Variants in SOX5 observed in about 807,000 individuals in gnomAD.
SOX5 encodes transcription factor SOX-5.
A neutral mutation model predicts 92.0 loss-of-function variants in SOX5; 9 were observed. The observed-to-expected ratio is 0.10, with a 90% confidence interval of 0.06 to 0.17. The LOEUF (loss-of-function observed/expected upper bound fraction) is 0.17, where lower values mean the gene tolerates loss of function less well. Ranked by LOEUF, SOX5 falls within the 10% of genes least tolerant of loss-of-function variation. The pLI is 1.00. For missense variants in SOX5, 642 were observed against 944.5 expected, an observed-to-expected ratio of 0.68 and a Z score of 4.20; for synonymous variants, 344 against 336.3, an observed-to-expected ratio of 1.02 and a Z score of -0.25.
chr12:24,493,505 G>C (rs183439304), intron 1 of SOX5, among the ~76,000 whole-genome samples: 1 of 152,254 alleles, frequency 6.6e-6, no homozygotes, highest in Non-Finnish European at 1.5e-5. Flanking sequence ...GAGAAAACTG[G>C]ATATCAGGTA....
At chr12:23,877,002 G>A (rs559993409) in intron 2 of SOX5, among the ~76,000 whole-genome samples, 3 of 152,194 alleles carry the variant, frequency 2.0e-5, no homozygotes, top group Non-Finnish European at 4.4e-5. Context: ...TGGGGGTCAG[G>A]GGCAAGGGGA....
chr12:23,605,425 TTAAA>T (rs35255823), intron 8 of SOX5, among the ~76,000 whole-genome samples: 6,530 of 149,128 alleles, frequency 0.044, 290 homozygotes, highest in Admixed American at 0.14. Context: ...AAAATAATTA[TTAAA>T]TAAATATATC....
At chr12:23,929,088 G>C (rs1312698069) in intron 1 of SOX5, among the ~76,000 whole-genome samples, 2 of 151,680 alleles carry the variant, frequency 1.3e-5, no homozygotes, top group Non-Finnish European at 2.9e-5. Flanking sequence ...AGCCATAGCA[G>C]TATTACAAAC....
intron 4 of SOX5, among the ~76,000 whole-genome samples, chr12:23,998,243 T>C (rs1275991173): frequency 6.6e-6 from 1 of 151,886 alleles, no homozygotes; most frequent in African/African-American, 2.4e-5. Flanking sequence ...AATACAAAGA[T>C]AAAATTACTG....
At chr12:24,098,310 G>C (rs1191284930) in intron 4 of SOX5, among the ~76,000 whole-genome samples, 1 of 152,072 alleles carries the variant, frequency 6.6e-6, no homozygotes, top group Non-Finnish European at 1.5e-5. Flanking sequence ...TCCTGCTCTT[G>C]GGGTTTCCAG....
At chr12:24,428,226 AC>A (rs886071218) in intron 1 of SOX5, among the ~76,000 whole-genome samples, 2 of 151,694 alleles carry the variant, frequency 1.3e-5, no homozygotes, top group East Asian at 3.9e-4. Flanking sequence ...AAAAAAAAAA[AC>A]CTGAGTTTAC....
chr12:23,692,437 A>AG (rs1593333436), intron 6 of SOX5, among the ~76,000 whole-genome samples: 3 of 67,740 alleles, frequency 4.4e-5, no homozygotes, highest in Non-Finnish European at 1.2e-4. Context: ...ACTACGCCTC[A>AG]GGAAAAAAAA....
intron 8 of SOX5, among the ~76,000 whole-genome samples, chr12:23,635,917 G>A (rs991631515): frequency 2.0e-5 from 3 of 152,018 alleles, no homozygotes; most frequent in African/African-American, 7.3e-5. Context: ...GGAAGAGGGA[G>A]GAAGAGAAGC....
At chr12:23,597,823 T>G (rs73273890) in intron 9 of SOX5, among the ~76,000 whole-genome samples, 51 of 152,338 alleles carry the variant, frequency 3.3e-4, no homozygotes, top group African/African-American at 1.2e-3. Flanking sequence ...GAATACAGAA[T>G]AATTTATTAA....
At chr12:24,361,488 T>C (rs571099914) in intron 2 of SOX5, among the ~76,000 whole-genome samples, 83 of 152,112 alleles carry the variant, frequency 5.5e-4, no homozygotes, top group Non-Finnish European at 1.0e-3. Flanking sequence ...TTAAATTATA[T>C]AATACAAGCA....
intron 14 of SOX5, among the ~76,000 whole-genome samples, chr12:23,536,175 C>T (rs1940391823): frequency 6.6e-6 from 1 of 152,204 alleles, no homozygotes; most frequent in Non-Finnish European, 1.5e-5. Context: ...ACCAGTTATA[C>T]TTCTAAGTTT....
intron 1 of SOX5, among the ~76,000 whole-genome samples, chr12:24,383,304 G>T (rs554464608): frequency 1.3e-5 from 2 of 152,136 alleles, no homozygotes; most frequent in African/African-American, 4.8e-5. Context: ...TTTATGTAAC[G>T]ATTTGTTTTT....
chr12:23,783,111 T>C (rs2095314259), intron 3 of SOX5, among the ~76,000 whole-genome samples: 1 of 152,160 alleles, frequency 6.6e-6, no homozygotes. Flanking sequence ...TTCACTTTCT[T>C]CAAGGCATAT....
chr12:23,608,115 GAA>G (rs772255622), intron 8 of SOX5, among the ~76,000 whole-genome samples: 1,331 of 44,068 alleles, frequency 0.03, 4 homozygotes, highest in South Asian at 0.055. Flanking sequence ...AAAGAAAAAA[GAA>G]AAAAAAAAAA....
intron 8 of SOX5, among the ~76,000 whole-genome samples, chr12:23,617,935 C>G (rs1215117779): frequency 6.6e-6 from 1 of 152,194 alleles, no homozygotes; most frequent in Non-Finnish European, 1.5e-5. Flanking sequence ...TCTTCGTGTA[C>G]TGCACAGTAA....
intron 1 of SOX5, among the ~76,000 whole-genome samples, chr12:24,429,274 C>A (rs372876494): frequency 2.0e-5 from 3 of 151,744 alleles, no homozygotes; most frequent in African/African-American, 4.8e-5. Flanking sequence ...CCAAGACTGC[C>A]CCACTGCACT....
At chr12:24,477,192 G>A (rs1257639127) in intron 1 of SOX5, among the ~76,000 whole-genome samples, 1 of 150,518 alleles carries the variant, frequency 6.6e-6, no homozygotes, top group Admixed American at 6.6e-5. Flanking sequence ...GGAGTTCAGT[G>A]GCACGATCTC....
At chr12:24,156,284 G>A (rs1489455814) in intron 4 of SOX5, among the ~76,000 whole-genome samples, 1 of 152,132 alleles carries the variant, frequency 6.6e-6, no homozygotes, top group Non-Finnish European at 1.5e-5. Context: ...ACTACATCAG[G>A]ACTTCTGAAA....
intron 4 of SOX5, among the ~76,000 whole-genome samples, chr12:24,034,318 G>T (rs774173880): frequency 2.0e-5 from 3 of 151,924 alleles, no homozygotes; most frequent in African/African-American, 7.3e-5. Flanking sequence ...GAAGCTACTT[G>T]TTTCTCTCCC....
Sources: gnomAD v4.1 joint callset for allele counts (sites outside exome capture counted in the v4.1 genomes callset) on GRCh38, gnomAD v4.1.1 for gene constraint, MANE v1.5 for transcripts, NCBI Gene and HGNC (gene_info 2026-07-23, HGNC 2026-07-21) for gene names.